Variants in MARCHF1 observed in about 807,000 individuals in gnomAD.
The protein encoded by MARCHF1 is E3 ubiquitin-protein ligase MARCHF1.
Under a neutral mutation model 54.2 loss-of-function variants are expected in MARCHF1, and 40 were observed. The observed-to-expected ratio is 0.74, with a 90% CI of 0.57 to 0.96. The LOEUF is 0.96. MARCHF1 is among the 40% of genes least tolerant of loss of function. MARCHF1 has a pLI of 0.00. For synonymous variants in MARCHF1, 236 were observed against 236.3 expected, an observed-to-expected ratio of 1.00 and a Z score of 0.01; for missense variants, 586 against 656.5, an observed-to-expected ratio of 0.89 and a Z score of 1.17.
intron 3 of MARCHF1, among the ~76,000 whole-genome samples, chr4:163,912,133 A>G (rs979900051): frequency 5.3e-5 from 8 of 151,854 alleles, no homozygotes; most frequent in African/African-American, 1.9e-4. Context: ...AGGGAAAAAA[A>G]CGAGAGAGAG....
At chr4:164,007,190 C>CA (rs1483211765) in intron 2 of MARCHF1, among the ~76,000 whole-genome samples, 1 of 149,146 alleles carries the variant, frequency 6.7e-6, no homozygotes, top group African/African-American at 2.5e-5. Context: ...ACTAAAAATA[C>CA]AAAAAATTAG....
chr4:163,569,990 TC>T (rs566551667), intron 8 of MARCHF1, among the ~76,000 whole-genome samples: 6 of 152,178 alleles, frequency 3.9e-5, no homozygotes, highest in Non-Finnish European at 8.8e-5. Flanking sequence ...TAAAATGAAC[TC>T]CTGAAGAGGT....
intron 2 of MARCHF1, among the ~76,000 whole-genome samples, chr4:164,069,329 A>C (rs1389836207): frequency 6.6e-6 from 1 of 152,226 alleles, no homozygotes; most frequent in Non-Finnish European, 1.5e-5. Flanking sequence ...TGCCTGAGCC[A>C]GCAGTGGCAA....
intron 1 of MARCHF1, among the ~76,000 whole-genome samples, chr4:164,170,808 C>G (rs375300207): frequency 6.6e-6 from 1 of 152,002 alleles, no homozygotes; most frequent in Non-Finnish European, 1.5e-5. Flanking sequence ...AACTAATGGA[C>G]GAAATCACTG....
At chr4:163,953,547 T>C (rs1430635533) in intron 3 of MARCHF1, among the ~76,000 whole-genome samples, 2 of 152,158 alleles carry the variant, frequency 1.3e-5, no homozygotes, top group Admixed American at 1.3e-4. Context: ...ACGTATATAG[T>C]GCCAATATTA....
chr4:164,276,485 T>C (rs1733884072), intron 1 of MARCHF1, among the ~76,000 whole-genome samples: 1 of 152,118 alleles, frequency 6.6e-6, no homozygotes, highest in Admixed American at 6.5e-5. Context: ...CACATATGCA[T>C]GTGTGTACAT....
At chr4:163,869,759 T>C (rs78416192) in intron 3 of MARCHF1, among the ~76,000 whole-genome samples, 1,548 of 152,208 alleles carry the variant, frequency 0.01, 28 homozygotes, top group African/African-American at 0.035. Flanking sequence ...ATGGAGTTTA[T>C]AGCTATATTT....
intron 1 of MARCHF1, among the ~76,000 whole-genome samples, chr4:164,328,748 T>C (rs1413234216): frequency 6.6e-6 from 1 of 152,196 alleles, no homozygotes; most frequent in Non-Finnish European, 1.5e-5. Context: ...CAGGCTGGTC[T>C]TGAACTCCTG....
At chr4:163,951,125 T>C (rs12505619) in intron 3 of MARCHF1, among the ~76,000 whole-genome samples, 28,606 of 152,094 alleles carry the variant, frequency 0.19, 3,333 homozygotes, top group South Asian at 0.34. Flanking sequence ...TTAGATGAAA[T>C]GAGAAAAACT....
intron 4 of MARCHF1, among the ~76,000 whole-genome samples, chr4:163,845,481 AC>A (rs1749459052): frequency 6.6e-6 from 1 of 151,516 alleles, no homozygotes; most frequent in Non-Finnish European, 1.5e-5. Flanking sequence ...ACACACACAC[AC>A]ACACACACAC....
intron 1 of MARCHF1, among the ~76,000 whole-genome samples, chr4:164,247,479 G>A (rs1180296699): frequency 2.0e-5 from 3 of 151,618 alleles, no homozygotes; most frequent in Non-Finnish European, 4.4e-5. Flanking sequence ...AGAGGGGAGG[G>A]ATAGCATTGG....
intron 3 of MARCHF1, among the ~76,000 whole-genome samples, chr4:163,863,279 A>G (rs74678791): frequency 0.01 from 1,548 of 152,196 alleles, 28 homozygotes; most frequent in African/African-American, 0.035. Context: ...AAATGTGCTG[A>G]CCTAAGCTAA....
At chr4:163,816,655 G>A (rs1161196134) in intron 4 of MARCHF1, among the ~76,000 whole-genome samples, 1 of 152,094 alleles carries the variant, frequency 6.6e-6, no homozygotes, top group Non-Finnish European at 1.5e-5. Flanking sequence ...AGCCTTTTGA[G>A]ATAAGTGGTG....
At chr4:164,002,359 A>C (rs76020250) in intron 2 of MARCHF1, among the ~76,000 whole-genome samples, 2,455 of 151,844 alleles carry the variant, frequency 0.016, 55 homozygotes, top group African/African-American at 0.052. Context: ...TATAAGTAAA[A>C]AAACAAATGG....
intron 2 of MARCHF1, among the ~76,000 whole-genome samples, chr4:164,075,865 G>A (rs1281541596): frequency 3.3e-5 from 5 of 152,092 alleles, no homozygotes; most frequent in Admixed American, 2.0e-4. Context: ...TCTCCCTCTA[G>A]ACACATATGC....
At chr4:163,811,220 C>T (rs1012817682) in intron 4 of MARCHF1, among the ~76,000 whole-genome samples, 2 of 151,720 alleles carry the variant, frequency 1.3e-5, no homozygotes, top group African/African-American at 4.8e-5. Context: ...TAATTTGTTC[C>T]GATTTTATAG....
At chr4:163,766,688 C>T (rs544931385) in intron 4 of MARCHF1, among the ~76,000 whole-genome samples, 58 of 152,164 alleles carry the variant, frequency 3.8e-4, no homozygotes, top group African/African-American at 1.4e-3. Flanking sequence ...AAACACAACA[C>T]GAAATAAACT....
chr4:163,974,977 A>T (rs935495616), intron 3 of MARCHF1, among the ~76,000 whole-genome samples: 4 of 152,304 alleles, frequency 2.6e-5, no homozygotes, highest in South Asian at 4.1e-4. Flanking sequence ...CTCCTGCCTG[A>T]CTACTTAATC....
rs369061356 is a variant in MARCHF1 at position 163,692,011 on chromosome 4, G to A, written c.162+8802C>T. On this transcript the variant is annotated intron_variant, in intron 5 of 9. Coordinates refer to ENST00000514618, the MANE Select transcript of MARCHF1 (RefSeq NM_001394959.1). ...TTCCTCAAGAGAGGGTTAACATGTGGTGCAATTTGTCTGGCAGAGGTTCCC... is the reference window on the plus strand; with the variant it reads ...TTCCTCAAGAGAGGGTTAACATGTGATGCAATTTGTCTGGCAGAGGTTCCC... Among the ~76,000 whole-genome samples the A allele has an allele frequency of 7.2e-5, 11 of 152,278 alleles. No homozygotes were observed. The South Asian group carries it at 2.3e-3, about 32-fold the overall frequency.
Sources: gnomAD v4.1 joint callset for allele counts (sites outside exome capture counted in the v4.1 genomes callset) on GRCh38, gnomAD v4.1.1 for gene constraint, MANE v1.5 for transcripts, NCBI Gene and HGNC (gene_info 2026-07-23, HGNC 2026-07-21) for gene names.